Variants in CCDC7 observed in about 807,000 individuals in gnomAD.
CCDC7 encodes the protein coiled-coil domain containing 7.
CCDC7 carries 183 observed loss-of-function variants against 196.9 expected under a neutral mutation model. The observed-to-expected ratio is 0.93, with a 90% CI of 0.82 to 1.05. CCDC7 has a LOEUF of 1.05. CCDC7 is among the 50% of genes least tolerant of loss of function. The pLI is 0.00. For synonymous variants in CCDC7, 525 were observed against 484.6 expected, an observed-to-expected ratio of 1.08 and a Z score of -1.10; for missense variants, 1,540 against 1,482.2, an observed-to-expected ratio of 1.04 and a Z score of -0.64.
At chr10:32,622,318 A>T (rs1351205223) in intron 18 of CCDC7, among the ~76,000 whole-genome samples, 1 of 152,150 alleles carries the variant, frequency 6.6e-6, no homozygotes, top group Non-Finnish European at 1.5e-5. Context: ...AATTCAAACA[A>T]AGGAAATATG....
intron 9 of CCDC7, among the ~76,000 whole-genome samples, chr10:32,493,404 A>G (rs530324081): frequency 4.0e-5 from 6 of 150,158 alleles, no homozygotes; most frequent in African/African-American, 1.5e-4. Context: ...CTGTATATAT[A>G]TATCTTCCAC....
At chr10:32,591,740 A>C (rs1339618900) in intron 18 of CCDC7, among the ~76,000 whole-genome samples, 1 of 152,156 alleles carries the variant, frequency 6.6e-6, no homozygotes. Flanking sequence ...ACCTGTGTTT[A>C]TTTAAGGACC....
chr10:32,578,638 G>A (rs184841131), intron 16 of CCDC7, among the ~76,000 whole-genome samples: 1 of 152,024 alleles, frequency 6.6e-6, no homozygotes, highest in Admixed American at 6.6e-5. Context: ...CTGACAGGAG[G>A]TGGAGCTCAG....
At chr10:32,823,247 A>G (rs1255708227) in intron 31 of CCDC7, among the ~76,000 whole-genome samples, 1 of 151,952 alleles carries the variant, frequency 6.6e-6, no homozygotes, top group Non-Finnish European at 1.5e-5. Flanking sequence ...GGTTCAAGCA[A>G]TTATCCTGCC....
chr10:32,503,070 A>G lies in CCDC7; in HGVS notation c.872+11073A>G, dbSNP rs538606671. ...TGGGGACATCTTTAGAGTTTTCTAT[A>G]TAGGAAAGTATATCATCTGGAAACA... On this transcript the variant is annotated intron_variant, in intron 9 of 41. Transcript: ENST00000639629. Among the ~76,000 whole-genome samples the G allele has an allele frequency of 2.7e-3, 411 of 152,266 alleles. 1 individual carries two copies. The highest frequency in any genetic ancestry group is 4.6e-3 in the Non-Finnish European group (311 of 67,994).
chr10:32,595,272 C>G (rs1280794612), intron 18 of CCDC7, among the ~76,000 whole-genome samples: 3 of 152,118 alleles, frequency 2.0e-5, no homozygotes, highest in African/African-American at 7.2e-5. Context: ...CTGGTTTAGT[C>G]TTGGGAGGGT....
At chr10:32,597,494 A>G (rs1158835204) in intron 18 of CCDC7, among the ~76,000 whole-genome samples, 3 of 151,990 alleles carry the variant, frequency 2.0e-5, no homozygotes, top group African/African-American at 4.8e-5. Flanking sequence ...GAAGTATGTT[A>G]TTACTGATCA....
chr10:32,641,012 C>T (rs544519796), intron 20 of CCDC7, among the ~76,000 whole-genome samples: 7 of 151,902 alleles, frequency 4.6e-5, no homozygotes, highest in East Asian at 1.9e-4. Context: ...GATTTTCTGC[C>T]GAGAGATCCG....
intron 21 of CCDC7, among the ~76,000 whole-genome samples, chr10:32,665,191 G>A (rs185488992): frequency 2.0e-5 from 3 of 152,052 alleles, no homozygotes; most frequent in African/African-American, 4.8e-5. Context: ...TGTTTGAGCT[G>A]CTTCTATAAA....
At chr10:32,555,521 G>C (rs968758134) in intron 13 of CCDC7, among the ~76,000 whole-genome samples, 1 of 152,168 alleles carries the variant, frequency 6.6e-6, no homozygotes, top group Non-Finnish European at 1.5e-5. Context: ...TGGTATTACA[G>C]GTGTGAGCCA....
chr10:32,468,661 T>A (rs887495909), intron 5 of CCDC7, among the ~76,000 whole-genome samples: 8 of 152,236 alleles, frequency 5.3e-5, no homozygotes, highest in African/African-American at 1.7e-4. Context: ...GAATGTTTCT[T>A]AAAGTGTAGT....
intron 28 of CCDC7, among the ~76,000 whole-genome samples, chr10:32,754,300 C>T (rs2076083727): frequency 1.3e-5 from 2 of 151,978 alleles, no homozygotes; most frequent in Non-Finnish European, 2.9e-5. Flanking sequence ...GTGAAAAGAG[C>T]ACAAAAATAA....
intron 9 of CCDC7, among the ~76,000 whole-genome samples, chr10:32,502,231 A>G (rs899994850): frequency 6.6e-6 from 1 of 152,144 alleles, no homozygotes; most frequent in African/African-American, 2.4e-5. Context: ...GGTGAAGACC[A>G]TGGGAAAAGT....
intron 16 of CCDC7, among the ~76,000 whole-genome samples, chr10:32,579,464 C>T (rs1268423944): frequency 6.6e-6 from 1 of 151,898 alleles, no homozygotes; most frequent in Non-Finnish European, 1.5e-5. Flanking sequence ...TTCAGAATGT[C>T]CTTATATCAA....
chr10:32,583,806 T>C (rs2058969447), intron 17 of CCDC7, among the ~76,000 whole-genome samples: 1 of 152,066 alleles, frequency 6.6e-6, no homozygotes, highest in Non-Finnish European at 1.5e-5. Context: ...GCTGTACATA[T>C]TTGACATGTA....
At chr10:32,504,111 G>A (rs1182515561) in intron 9 of CCDC7, among the ~76,000 whole-genome samples, 1 of 130,052 alleles carries the variant, frequency 7.7e-6, no homozygotes, top group Non-Finnish European at 1.6e-5. Context: ...ATTATTTATT[G>A]CTGGTTTTTT....
At chr10:32,787,217 A>G (rs1183237357) in intron 29 of CCDC7, among the ~76,000 whole-genome samples, 1 of 145,796 alleles carries the variant, frequency 6.9e-6, no homozygotes, top group Non-Finnish European at 1.5e-5. Context: ...ACCAAACTCC[A>G]AGTAGAATAA....
chr10:32,527,450 C>G (rs74916557), intron 11 of CCDC7, among the ~76,000 whole-genome samples: 6,025 of 151,988 alleles, frequency 0.04, 125 homozygotes, highest in Middle Eastern at 0.051. Flanking sequence ...ATTTGGTGTT[C>G]CAACAGAGGG....
chr10:32,626,537 C>T (rs2064073850), intron 18 of CCDC7, among the ~76,000 whole-genome samples: 1 of 151,704 alleles, frequency 6.6e-6, no homozygotes, highest in South Asian at 2.1e-4. Context: ...TTAATAATTT[C>T]CTTTGCTGTG....
Sources: allele counts gnomAD v4.1 joint callset (sites outside exome capture counted in the v4.1 genomes callset), GRCh38; gene constraint gnomAD v4.1.1; transcripts MANE v1.5; gene names NCBI Gene and HGNC (gene_info 2026-07-23, HGNC 2026-07-21).